GTF2F1: variants seen among roughly 807,000 people sequenced by gnomAD.
GTF2F1 encodes the protein general transcription factor IIF 74 kDa subunit.
Under a neutral mutation model 63.5 loss-of-function variants are expected in GTF2F1, and 39 were observed. That is an observed-to-expected ratio of 0.61 (90% CI 0.48 to 0.80). The LOEUF (loss-of-function observed/expected upper bound fraction) is 0.80, where lower values mean the gene tolerates loss of function less well. Among genes scored for constraint, GTF2F1 ranks in the 30% least tolerant of loss-of-function variants. The probability of loss-of-function intolerance (pLI) is 0.00; values close to 1 mark genes in which losing one functional copy is unlikely to be tolerated. For missense variants in GTF2F1, 657 were observed against 718.3 expected (o/e 0.91, Z 0.97); for synonymous variants, 287 against 285.3 (o/e 1.01, Z -0.06).
chr19:6,380,471 G>T lies in GTF2F1; in HGVS notation c.1364C>A (p.Thr455Asn). ...CAGGTAGCGGCGCACGGCATCCTCAGTCACCTGCACGTCGCTGAGGATGGG... is the reference window on the plus strand; with the variant it reads ...CAGGTAGCGGCGCACGGCATCCTCATTCACCTGCACGTCGCTGAGGATGGG... ...TTPNSGDVQV[T>N]EDAVRRYLTR... Residue 455 changes from threonine (T) to asparagine (N), a missense_variant, in exon 13 of 13, where the codon ACT (threonine) becomes AAT (asparagine). Thr to Asn is a moderately conservative substitution (Grantham distance 65). Around this residue, in one of 2 missense-constraint regions of GTF2F1, gnomAD observed 55 missense variants for 92.6 expected, o/e 0.59. Coordinates refer to ENST00000394456, the MANE Select transcript of GTF2F1 (RefSeq NM_002096.3). This position sits in a 1 kb window ranked among gnomAD's most constrained non-coding sequence, Gnocchi z 5.3. The T allele has an allele frequency of 6.2e-7, 1 of 1,614,106 alleles. No homozygotes were observed. Among genetic ancestry groups the T allele is most frequent in the Non-Finnish European group, 8.5e-7 (1 of 1,180,002 alleles).
At chr19:6,391,341 C>G (rs1167182307) in intron 3 of GTF2F1, among the ~76,000 whole-genome samples, 2 of 151,874 alleles carry the variant, frequency 1.3e-5, no homozygotes, top group African/African-American at 4.8e-5. Context: ...GTGGGCACAG[C>G]TTCTAAATGT....
At position 6,387,523 on chromosome 19, in the gene GTF2F1, G is replaced by A. The variant is rs1257851673; in HGVS notation, c.363C>T (p.Asn121=). 1.4e-5 allele frequency: 23 copies of A among 1,614,192 alleles called. No homozygotes were observed. Among genetic ancestry groups the A allele is most frequent in the Non-Finnish European group, 1.9e-5 (22 of 1,179,996 alleles). ...KGIKKGGVTE[N]TSYYIFTQCP... is the part of the protein sequence containing the mutation. ...ACTGGGTGAAGATGTAGTAGGACGT[G>A]TTCTCTGTTACGCCTCCCTTCTTGA... The change falls in exon 5 of 13, where the codon AAC becomes AAT. Residue 121 remains asparagine, a synonymous_variant. Coordinates refer to ENST00000394456, the MANE Select transcript of GTF2F1 (RefSeq NM_002096.3).
chr19:6,381,906 A>G lies in GTF2F1; in HGVS notation c.683-56T>C. ...GAAAGTGAGGAGGAAGGCAGTGGGT[A>G]TTTATTGTGTTTTTCACATTTTGTG... On this transcript the variant is annotated intron_variant, in intron 6 of 12. Transcript: ENST00000394456. The surrounding 1 kb of genome is among the most constrained non-coding windows in gnomAD (Gnocchi z 4.1). The G allele has an allele frequency of 7.0e-7, 1 of 1,431,976 alleles. No homozygotes were observed. Among genetic ancestry groups the G allele is most frequent in the Non-Finnish European group, 9.7e-7 (1 of 1,032,278 alleles). 88.7% of individuals were successfully genotyped at this position (1,431,976 alleles called of 1,614,324 possible). A position where few individuals can be genotyped will look rare whatever the true frequency, so the allele number is the denominator to read the frequency against.
rs375204831 is a variant in GTF2F1, at chr19:6,380,960, G to C, written c.1175C>G (p.Ala392Gly). 4 of 1,597,554 alleles carry C rather than the reference G, an allele frequency of 2.5e-6. No individual in the cohort carries two copies. The highest frequency in any genetic ancestry group is 1.3e-5 in the African/African-American group (1 of 74,680). Residue 392 changes from alanine to glycine, a missense_variant, in exon 11 of 13, where the codon GCA (alanine) becomes GGA (glycine). Physicochemically the swap from Ala to Gly is moderately conservative, Grantham distance 60. This residue lies in a region of GTF2F1 where 602 missense variants were observed against 625.6 expected (regional missense o/e 0.96). Coordinates refer to ENST00000394456, the MANE Select transcript of GTF2F1 (RefSeq NM_002096.3). This position sits in a 1 kb window ranked among gnomAD's most constrained non-coding sequence, Gnocchi z 5.3. ...RGNSRPGTPS[A>G]EGGSTSSTLR... ...GGTGGAGGAGGTGCTGCCACCCTCT[G>C]CGCTGGGCGTGCCTGGGCGGCTGTT...
chr19:6,380,775 A>G lies in GTF2F1; in HGVS notation c.1232-85T>C. 6.5e-7 allele frequency: 1 copy of G among 1,543,854 alleles called. No individual in the cohort carries two copies. The highest frequency in any genetic ancestry group is 8.8e-7 in the Non-Finnish European group (1 of 1,136,074). On this transcript the variant is annotated intron_variant, in intron 11 of 12. Coordinates refer to ENST00000394456, the MANE Select transcript of GTF2F1 (RefSeq NM_002096.3). The surrounding 1 kb of genome is among the most constrained non-coding windows in gnomAD (Gnocchi z 5.3). The stretch of plus-strand genomic sequence containing the variant: ...CCCCAGGCTGGGCAGTGCCAGGATT[A>G]GGGTTCAAGGGGATCAGGGAGAGAC...
In GTF2F1 at chr19:6,383,563, C is replaced by T. The variant is rs2091963074; in HGVS notation, c.498-68G>A. 4 of 1,534,834 alleles carry T rather than the reference C, an allele frequency of 2.6e-6. No individual in the cohort carries two copies. Among genetic ancestry groups the T allele is most frequent in the Non-Finnish European group, 3.6e-6 (4 of 1,123,238 alleles). On this transcript the variant is annotated intron_variant, in intron 5 of 12. Transcript: ENST00000394456. This position sits in a 1 kb window ranked among gnomAD's most constrained non-coding sequence, Gnocchi z 4.5. ...ACCCTGCATCTGTGCTTGCAGGGGG[C>T]GAGCCCCAGGGCACCACCCACATAG... is the stretch of plus-strand genomic sequence containing the variant.
Position 6,383,165 on chromosome 19 carries a change from G to C in GTF2F1, c.682+146C>G. Reference sequence around the variant, plus strand: ...GATCTGCCTGCCTCAGCCTCTCAAAGTGCTGGGATGACAGGCGTGAGCCAC... The same window carrying C: ...GATCTGCCTGCCTCAGCCTCTCAAACTGCTGGGATGACAGGCGTGAGCCAC... On this transcript the variant is annotated intron_variant, in intron 6 of 12. Coordinates refer to ENST00000394456, the MANE Select transcript of GTF2F1 (RefSeq NM_002096.3). This position sits in a 1 kb window ranked among gnomAD's most constrained non-coding sequence, Gnocchi z 4.5. 1.2e-6 allele frequency: 1 copy of C among 807,576 alleles called. No individual in the cohort carries two copies. The highest frequency in any genetic ancestry group is 2.0e-6 in the Non-Finnish European group (1 of 502,786). The allele number at this position is 807,576 out of a possible 1,614,324, so 50.0% of individuals were successfully genotyped here.
rs747691288 is a variant in GTF2F1 at position 6,380,240 on chromosome 19, C to A, written c.*41G>T. On this transcript the variant is annotated 3_prime_UTR_variant, in exon 13 of 13. Coordinates refer to ENST00000394456, the MANE Select transcript of GTF2F1 (RefSeq NM_002096.3). This position sits in a 1 kb window ranked among gnomAD's most constrained non-coding sequence, Gnocchi z 5.3. ...TAGGATGGCGAAGGGGCAGTGAGAGCCTTAAGTTCTGGGGGGCAGAGCCAT... is the reference window on the plus strand; with the variant it reads ...TAGGATGGCGAAGGGGCAGTGAGAGACTTAAGTTCTGGGGGGCAGAGCCAT... The A allele has an allele frequency of 1.9e-5, 29 of 1,528,702 alleles. No homozygotes were observed. The highest frequency in any genetic ancestry group is 2.6e-5 in the Non-Finnish European group (29 of 1,102,252). 94.7% of individuals were successfully genotyped at this position (1,528,702 alleles called of 1,614,324 possible).
Position 6,389,451 on chromosome 19 carries a change from C to G in GTF2F1, c.319G>C (p.Gly107Arg). The change falls in exon 4 of 13, where the codon GGC becomes CGC. Residue 107 changes from glycine (G) to arginine (R), a missense_variant. By Grantham distance (125) the Gly-to-Arg change is moderately radical. Coordinates refer to ENST00000394456, the MANE Select transcript of GTF2F1 (RefSeq NM_002096.3). The stretch of plus-strand genomic sequence containing the variant: ...CACCGCCCCACCACTTACTTCCTGC[C>G]TGATTTGCCGTTGACCCGGAGCAGC... ...PWLLRVNGKS[G>R]RKFKGIKKGG... The G allele has an allele frequency of 6.2e-7, 1 of 1,613,648 alleles. No individual in the cohort carries two copies. The highest frequency in any genetic ancestry group is 8.5e-7 in the Non-Finnish European group (1 of 1,179,636).
At position 6,380,241 on chromosome 19, in the gene GTF2F1, C is replaced by T. The variant is rs2091941169; in HGVS notation, c.*40G>A. 1 of 1,546,120 alleles carries T rather than the reference C, an allele frequency of 6.5e-7. No homozygotes were observed. Among genetic ancestry groups the T allele is most frequent in the Non-Finnish European group, 8.9e-7 (1 of 1,118,098 alleles). ...AGGATGGCGAAGGGGCAGTGAGAGC[C>T]TTAAGTTCTGGGGGGCAGAGCCATG... On this transcript the variant is annotated 3_prime_UTR_variant, in exon 13 of 13. Transcript: ENST00000394456. The surrounding 1 kb of genome is among the most constrained non-coding windows in gnomAD (Gnocchi z 5.3).
At chr19:6,388,252 G>A (rs916867081) in intron 4 of GTF2F1, among the ~76,000 whole-genome samples, 1 of 152,130 alleles carries the variant, frequency 6.6e-6, no homozygotes, top group Non-Finnish European at 1.5e-5. Flanking sequence ...AATCTGAAGT[G>A]GACACCTGGC....
In GTF2F1 at chr19:6,383,605, G is replaced by A; in HGVS notation, c.498-110C>T. 1 of 1,163,894 alleles carries A rather than the reference G, an allele frequency of 8.6e-7. No individual in the cohort carries two copies. Among genetic ancestry groups the A allele is most frequent in the Non-Finnish European group, 1.2e-6 (1 of 816,106 alleles). The allele number at this position is 1,163,894 out of a possible 1,614,324, so 72.1% of individuals were successfully genotyped here. A position where few individuals can be genotyped will look rare whatever the true frequency, so the allele number is the denominator to read the frequency against. ...CCCACATAGCCTTCAAGGTGATGTG[G>A]CCCCCGGGGACTTGGGCTGTGGCAC... On this transcript the variant is annotated intron_variant, in intron 5 of 12. Transcript: ENST00000394456. This position sits in a 1 kb window ranked among gnomAD's most constrained non-coding sequence, Gnocchi z 4.5.
rs772256816 is a variant in GTF2F1, at chr19:6,380,376, C to T, written c.1459G>A (p.Glu487Lys). Residue 487 changes from glutamate to lysine, a missense_variant, in exon 13 of 13, where the codon GAG (glutamate) becomes AAG (lysine). Transcript: ENST00000394456. This position sits in a 1 kb window ranked among gnomAD's most constrained non-coding sequence, Gnocchi z 5.3. ...FQTKKTGLSS[E>K]QTVNVLAQIL... The stretch of plus-strand genomic sequence containing the variant: ...TGGGCCAACACGTTCACTGTCTGCT[C>T]GCTGCTCAGCCCTGTCTTCTTGGTC... The T allele has an allele frequency of 5.6e-6, 9 of 1,614,136 alleles. No individual in the cohort carries two copies. The highest frequency in any genetic ancestry group is 1.3e-5 in the African/African-American group (1 of 75,028).
chr19:6,388,518 C>T (rs2091982780), intron 4 of GTF2F1, among the ~76,000 whole-genome samples: 2 of 152,224 alleles, frequency 1.3e-5, no homozygotes, highest in Admixed American at 1.3e-4. Flanking sequence ...CTGTTCTGCC[C>T]TCAGTCTGCC....
At chr19:6,385,166 G>A (rs749232075) in intron 5 of GTF2F1, among the ~76,000 whole-genome samples, 14 of 151,738 alleles carry the variant, frequency 9.2e-5, no homozygotes, top group Admixed American at 5.9e-4. Flanking sequence ...ATGCCAAAGC[G>A]GGCAGATCAC....
rs2091964309 is a variant in GTF2F1 at position 6,383,787 on chromosome 19, A to G, written c.498-292T>C. On this transcript the variant is annotated intron_variant, in intron 5 of 12. Coordinates refer to ENST00000394456, the MANE Select transcript of GTF2F1 (RefSeq NM_002096.3). The surrounding 1 kb of genome is among the most constrained non-coding windows in gnomAD (Gnocchi z 4.5). ...AATCCAGTCACACTGGTTTCTTGCTATTTTTTATTATTATTTTTTTATTTT... is the reference window on the plus strand; with the variant it reads ...AATCCAGTCACACTGGTTTCTTGCTGTTTTTTATTATTATTTTTTTATTTT... Among the ~76,000 whole-genome samples, 1 of 151,924 alleles carries G rather than the reference A, an allele frequency of 6.6e-6. No homozygotes were observed. Among genetic ancestry groups the G allele is most frequent in the East Asian group, 1.9e-4 (1 of 5,144 alleles).
rs376779199 is a variant in GTF2F1 at position 6,381,155 on chromosome 19, A to T, written c.1059T>A (p.Ile353=). 1.4e-4 allele frequency: 218 copies of T among 1,611,950 alleles called. No individual in the cohort carries two copies. The highest frequency in any genetic ancestry group is 1.7e-4 in the Middle Eastern group (1 of 6,020). ...AGAGGGCTGAGGAGGCCTCGCTGTC[A>T]ATGTCGCTCTCCTCTGAGCTGTCCG... ...EESDSSEESD[I]DSEASSALFM... is the part of the protein sequence containing the mutation. Residue 353 remains isoleucine, a synonymous_variant, in exon 10 of 13, where the codon ATT becomes ATA. Transcript: ENST00000394456. This position sits in a 1 kb window ranked among gnomAD's most constrained non-coding sequence, Gnocchi z 4.1.
intron 3 of GTF2F1, 168 bp from the exon 4 acceptor site, chr19:6,389,805 G>A: frequency 1.7e-6 from 1 of 578,356 alleles, no homozygotes; most frequent in South Asian, 2.2e-5. Flanking sequence ...TCTGGGTAAA[G>A]GGAATTTGGG....
At chr19:6,385,973 G>A (rs1452701554) in intron 5 of GTF2F1, among the ~76,000 whole-genome samples, 1 of 152,150 alleles carries the variant, frequency 6.6e-6, no homozygotes, top group Non-Finnish European at 1.5e-5. Flanking sequence ...CTACCCAGGA[G>A]GCTGAGGCCA....
Sources: allele counts gnomAD v4.1 joint callset (sites outside exome capture counted in the v4.1 genomes callset), GRCh38; gene constraint gnomAD v4.1.1; regional missense constraint gnomAD v4.1.1; non-coding constraint Gnocchi (gnomAD v3.1); transcripts MANE v1.5; gene names NCBI Gene and HGNC (gene_info 2026-07-23, HGNC 2026-07-21).